The following CDKAL1 variants were observed in gnomAD, a reference collection of about 807,000 sequenced individuals.
CDKAL1 encodes the protein threonylcarbamoyladenosine tRNA methylthiotransferase.
Under a neutral mutation model 68.2 loss-of-function variants are expected in CDKAL1, and 32 were observed. The observed-to-expected ratio is 0.47, with a 90% CI of 0.35 to 0.63. CDKAL1 has a LOEUF of 0.63. Among genes scored for constraint, CDKAL1 ranks in the 30% least tolerant of loss-of-function variants. The pLI, the probability that CDKAL1 is intolerant of heterozygous loss-of-function variation, is 0.00. For missense variants in CDKAL1, 606 were observed against 696.7 expected, an observed-to-expected ratio of 0.87 and a Z score of 1.47; for synonymous variants, 234 against 244.3, an observed-to-expected ratio of 0.96 and a Z score of 0.39.
At chr6:20,804,952 G>C (rs923318456) in intron 8 of CDKAL1, among the ~76,000 whole-genome samples, 3 of 152,128 alleles carry the variant, frequency 2.0e-5, no homozygotes, top group Non-Finnish European at 4.4e-5. Context: ...TTGAGCCCAG[G>C]TGTTTGAGGT....
At chr6:20,671,002 G>C (rs968865574) in intron 5 of CDKAL1, among the ~76,000 whole-genome samples, 6 of 152,090 alleles carry the variant, frequency 3.9e-5, no homozygotes, top group Admixed American at 3.9e-4. Flanking sequence ...TTTGCTTATT[G>C]ATTTTTATAT....
chr6:20,891,567 A>C (rs1581775889), intron 9 of CDKAL1, among the ~76,000 whole-genome samples: 3 of 128,998 alleles, frequency 2.3e-5, no homozygotes, highest in Admixed American at 9.1e-5. Flanking sequence ...ACGGAGTCTC[A>C]CTCTGTCACC....
intron 4 of CDKAL1, among the ~76,000 whole-genome samples, chr6:20,605,180 G>A (rs1010979957): frequency 6.6e-6 from 1 of 152,174 alleles, no homozygotes; most frequent in African/African-American, 2.4e-5. Context: ...GCACCTCTTA[G>A]TACTTCCATC....
At chr6:20,542,345 A>G (rs534893746) in intron 2 of CDKAL1, among the ~76,000 whole-genome samples, 1 of 152,308 alleles carries the variant, frequency 6.6e-6, no homozygotes, top group East Asian at 1.9e-4. Flanking sequence ...GTAGAGTACC[A>G]CACAGTGCGT....
At chr6:20,792,577 C>T (rs931976046) in intron 8 of CDKAL1, among the ~76,000 whole-genome samples, 1 of 152,100 alleles carries the variant, frequency 6.6e-6, no homozygotes, top group African/African-American at 2.4e-5. Context: ...TTTCTCCTGT[C>T]TCTGTTATTT....
rs1331230845 is a variant in CDKAL1, at chr6:20,539,477, G to A, written c.-6+4083G>A. 6.6e-6 allele frequency among the ~76,000 whole-genome samples: 1 copy of A among 152,216 alleles called. No homozygotes were observed. The highest frequency in any genetic ancestry group is 2.4e-5 in the African/African-American group (1 of 41,468). ...TAAAAAAAGGCAGGAAAGGGGCATA[G>A]GAAGAGGGTGTGTGGTGAGGTGGGG... On this transcript the variant is annotated intron_variant, in intron 2 of 15. Transcript: ENST00000274695. The surrounding 1 kb of genome is among the most constrained non-coding windows in gnomAD (Gnocchi z 4.3).
rs1037240195 is a variant in CDKAL1, at chr6:20,641,106, G to A, written c.287-8187G>A. On this transcript the variant is annotated intron_variant, in intron 4 of 15. Transcript: ENST00000274695. ...TTGGTGACTATTATTTTCTTGGTTC[G>A]GTGAGTCCAAAAGCTTTTAGCAGGC... 1.2e-4 allele frequency among the ~76,000 whole-genome samples: 18 copies of A among 151,936 alleles called. No individual in the cohort carries two copies. In the South Asian group the frequency reaches 1.2e-3, roughly 11 times the overall value.
chr6:20,937,337 C>T (rs1037843007), intron 9 of CDKAL1, among the ~76,000 whole-genome samples: 1 of 152,222 alleles, frequency 6.6e-6, no homozygotes, highest in African/African-American at 2.4e-5. Flanking sequence ...ATCATCCCTC[C>T]TTGGCCTCCC....
chr6:20,835,802 G>A (rs956010874), intron 8 of CDKAL1, among the ~76,000 whole-genome samples: 5 of 151,906 alleles, frequency 3.3e-5, no homozygotes, highest in Admixed American at 1.3e-4. Flanking sequence ...CACCTGCCTC[G>A]GCCTCGCAAA....
Position 21,215,281 on chromosome 6 carries a change from G to A in CDKAL1, c.1548+14007G>A, listed in dbSNP as rs139868140. Among the ~76,000 whole-genome samples, 924 of 152,324 alleles carry A rather than the reference G, an allele frequency of 6.1e-3. 4 individuals are homozygous for A. The highest frequency in any genetic ancestry group is 9.7e-3 in the Non-Finnish European group (661 of 68,022). On this transcript the variant is annotated intron_variant, in intron 15 of 15. Coordinates refer to ENST00000274695, the MANE Select transcript of CDKAL1 (RefSeq NM_017774.3). The stretch of plus-strand genomic sequence containing the variant: ...GGTAAAGGCAAAGGAATAGCAAACA[G>A]ACATGCACAAGTGCTTTTCAAGCCT...
intron 13 of CDKAL1, among the ~76,000 whole-genome samples, chr6:21,111,261 T>C (rs558228702): frequency 6.6e-6 from 1 of 152,340 alleles, no homozygotes; most frequent in African/African-American, 2.4e-5. Flanking sequence ...AAAAAAAGAA[T>C]AGTCAGCATT....
chr6:20,678,401 A>T (rs1770223151), intron 5 of CDKAL1, among the ~76,000 whole-genome samples: 1 of 152,108 alleles, frequency 6.6e-6, no homozygotes, highest in South Asian at 2.1e-4. Context: ...TGAATTATTT[A>T]GCTTTAGGCA....
chr6:20,819,432 T>C (rs189950606), intron 8 of CDKAL1, among the ~76,000 whole-genome samples: 44 of 152,312 alleles, frequency 2.9e-4, no homozygotes, highest in Non-Finnish European at 5.6e-4. Flanking sequence ...TTTCCATTTT[T>C]AAAAGATGTG....
chr6:21,168,906 C>T (rs138703163), intron 13 of CDKAL1, among the ~76,000 whole-genome samples: 269 of 152,224 alleles, frequency 1.8e-3, no homozygotes, highest in African/African-American at 5.7e-3. Context: ...TATCCTTCTT[C>T]GCCAAAACAT....
intron 6 of CDKAL1, among the ~76,000 whole-genome samples, chr6:20,741,449 T>C (rs72832313): frequency 0.13 from 19,238 of 152,042 alleles, 1,495 homozygotes; most frequent in East Asian, 0.34. Flanking sequence ...TTATTTTTCC[T>C]GATCCTCTGC....
chr6:21,059,047 G>C (rs938654697), intron 11 of CDKAL1, among the ~76,000 whole-genome samples: 3 of 152,222 alleles, frequency 2.0e-5, no homozygotes, highest in African/African-American at 7.2e-5. Context: ...GATTGCAGCT[G>C]CCCCTCCCCT....
intron 5 of CDKAL1, among the ~76,000 whole-genome samples, chr6:20,673,402 T>C (rs552838601): frequency 7.9e-5 from 12 of 152,350 alleles, no homozygotes; most frequent in Non-Finnish European, 1.5e-4. Context: ...TAATCCCTAA[T>C]AGTATAAATG....
chr6:20,875,268 C>T (rs1242536349), intron 9 of CDKAL1, among the ~76,000 whole-genome samples: 1 of 139,630 alleles, frequency 7.2e-6, no homozygotes, highest in Non-Finnish European at 1.5e-5. Flanking sequence ...CACTGCAGTC[C>T]GCAGTCCGGC....
At chr6:20,775,881 A>G (rs934844630) in intron 7 of CDKAL1, among the ~76,000 whole-genome samples, 10 of 152,186 alleles carry the variant, frequency 6.6e-5, no homozygotes, top group Non-Finnish European at 1.5e-4. Context: ...CTGCTACTCC[A>G]TTTTTAAACA....
Sources: allele counts gnomAD v4.1 joint callset (sites outside exome capture counted in the v4.1 genomes callset), GRCh38; gene constraint gnomAD v4.1.1; non-coding constraint Gnocchi (gnomAD v3.1); transcripts MANE v1.5; gene names NCBI Gene and HGNC (gene_info 2026-07-23, HGNC 2026-07-21).